Variants in SYNE1 observed in about 807,000 individuals in gnomAD.
The protein encoded by SYNE1 is spectrin repeat containing nuclear envelope protein 1.
A neutral mutation model predicts 1,111.0 loss-of-function variants in SYNE1; 616 were observed. The observed-to-expected ratio is 0.55, with a 90% CI of 0.52 to 0.59. The LOEUF (loss-of-function observed/expected upper bound fraction) is 0.59, where lower values mean the gene tolerates loss of function less well. SYNE1 is among the 20% of genes least tolerant of loss of function. The pLI, the probability that SYNE1 is intolerant of heterozygous loss-of-function variation, is 0.00. For synonymous variants in SYNE1, 3,855 were observed against 3,825.8 expected, an observed-to-expected ratio of 1.01 and a Z score of -0.28; for missense variants, 10,006 against 10,417.0, an observed-to-expected ratio of 0.96 and a Z score of 1.72.
intron 87 of SYNE1, among the ~76,000 whole-genome samples, chr6:152,311,426 T>C (rs193191248): frequency 6.6e-6 from 1 of 152,198 alleles, no homozygotes; most frequent in Non-Finnish European, 1.5e-5. Context: ...AAAACATCCC[T>C]GATCATTCAG....
intron 131 of SYNE1, 51 bp downstream of exon 131, chr6:152,164,112 G>A (rs1347043371): frequency 6.2e-7 from 1 of 1,609,882 alleles, no homozygotes; most frequent in Non-Finnish European, 8.5e-7. Context: ...TCCTGGCCAG[G>A]AGGACAGATA....
intron 56 of SYNE1, chr6:152,380,718 C>T: frequency 2.4e-6 from 1 of 409,738 alleles, no homozygotes; most frequent in Non-Finnish European, 4.5e-6. Context: ...GACTGAATGG[C>T]TGAATACAGT....
intron 87 of SYNE1, 136 bp downstream of exon 87, chr6:152,316,713 A>C: frequency 2.2e-6 from 2 of 915,994 alleles, no homozygotes; most frequent in South Asian, 2.9e-5. Context: ...TGAACAACTT[A>C]GGGGTACCTT....
At chr6:152,525,129 C>T (rs914561210) in intron 5 of SYNE1, among the ~76,000 whole-genome samples, 7 of 152,124 alleles carry the variant, frequency 4.6e-5, no homozygotes, top group Admixed American at 2.0e-4. Flanking sequence ...ATTACTTAAA[C>T]GACTGATGCA....
chr6:152,150,730 C>A (rs563632493), intron 135 of SYNE1, among the ~76,000 whole-genome samples: 1 of 152,312 alleles, frequency 6.6e-6, no homozygotes, highest in African/African-American at 2.4e-5. Flanking sequence ...ATTCGAATTT[C>A]TAGCTAGCCA....
intron 8 of SYNE1, among the ~76,000 whole-genome samples, chr6:152,505,709 T>C (rs1375021473): frequency 6.6e-6 from 1 of 152,240 alleles, no homozygotes; most frequent in Non-Finnish European, 1.5e-5. Flanking sequence ...AGCTGAGCTA[T>C]TGAAGGATGT....
rs1206176672 is a variant in SYNE1 at position 152,364,718 on chromosome 6, AAGGAAGGAAGGG to A, written c.10145+117_10145+128del. ...GAAGGAAGGAAGGAAGGAAGGAAGG[AAGGAAGGAAGGG>A]AGGAAGGAAAGGAAAGGGAAGGGAA... On this transcript the variant is annotated intron_variant, in intron 63 of 145. Transcript: ENST00000367255. 78 of 1,042,162 alleles carry A rather than the reference AAGGAAGGAAGGG, an allele frequency of 7.5e-5. 1 individual carries two copies. Among genetic ancestry groups the A allele is most frequent in the African/African-American group, 7.3e-4 (45 of 61,836 alleles). 64.6% of individuals were successfully genotyped at this position (1,042,162 alleles called of 1,614,324 possible). A position where few individuals can be genotyped will look rare whatever the true frequency, so the allele number is the denominator to read the frequency against.
chr6:152,142,836 C>A (rs1323340597), intron 138 of SYNE1, among the ~76,000 whole-genome samples: 2 of 152,166 alleles, frequency 1.3e-5, no homozygotes, highest in East Asian at 3.9e-4. Flanking sequence ...AGTTTTCTTT[C>A]CTAATTTCAA....
intron 32 of SYNE1, 23 bp downstream of exon 32, chr6:152,441,107 G>T: frequency 6.2e-7 from 1 of 1,612,480 alleles, no homozygotes; most frequent in Non-Finnish European, 8.5e-7. Flanking sequence ...CTGAATATTG[G>T]GTACCAAGGA....
chr6:152,519,823 C>G (rs781708142), intron 6 of SYNE1, among the ~76,000 whole-genome samples: 2 of 152,084 alleles, frequency 1.3e-5, no homozygotes, highest in Non-Finnish European at 2.9e-5. Flanking sequence ...CACCACATTA[C>G]CAAGTATTCA....
intron 93 of SYNE1, among the ~76,000 whole-genome samples, chr6:152,295,315 G>T (rs2094816854): frequency 1.3e-5 from 2 of 152,056 alleles, no homozygotes; most frequent in Non-Finnish European, 2.9e-5. Context: ...TGATGATATT[G>T]GAACATGGAG....
intron 117 of SYNE1, 138 bp downstream of exon 117, chr6:152,224,356 A>G (rs2153477748): frequency 6.7e-6 from 6 of 895,032 alleles, no homozygotes; most frequent in Non-Finnish European, 1.0e-5. Context: ...CACAGGTAAA[A>G]TTAATTTTAA....
intron 59 of SYNE1, among the ~76,000 whole-genome samples, chr6:152,370,496 A>C (rs2097161445): frequency 6.6e-6 from 1 of 152,238 alleles, no homozygotes; most frequent in Non-Finnish European, 1.5e-5. Flanking sequence ...ATACTAAATA[A>C]TGTTATGTGC....
intron 3 of SYNE1, among the ~76,000 whole-genome samples, chr6:152,621,226 A>C (rs2099674622): frequency 6.6e-6 from 1 of 152,198 alleles, no homozygotes; most frequent in Non-Finnish European, 1.5e-5. Context: ...AAGCTGTTAC[A>C]GTTAAAATGG....
chr6:152,330,728 T>A lies in SYNE1; in HGVS notation c.13957A>T (p.Asn4653Tyr). ...TCTTTAGCCAAGGCAACAATTACAT[T>A]AAATTGTCGAGGCAAAGCATTTAGC... is the stretch of plus-strand genomic sequence containing the variant. ...EKLNALPRQF[N>Y]VIVALAKDKF... The change falls in exon 78 of 146, where the codon AAT (asparagine) becomes TAT (tyrosine). Residue 4653 changes from asparagine to tyrosine, a missense_variant. Coordinates refer to ENST00000367255, the MANE Select transcript of SYNE1 (RefSeq NM_182961.4). 1 of 1,614,022 alleles carries A rather than the reference T, an allele frequency of 6.2e-7. No individual in the cohort carries two copies. The highest frequency in any genetic ancestry group is 1.3e-5 in the African/African-American group (1 of 75,034).
At chr6:152,614,167 G>A (rs1482564898) in intron 3 of SYNE1, among the ~76,000 whole-genome samples, 9 of 151,930 alleles carry the variant, frequency 5.9e-5, no homozygotes, top group Non-Finnish European at 5.9e-5. Context: ...GCTTCTGCAC[G>A]GCAAAAGAAA....
At chr6:152,176,651 C>CAAGCAGTAGAAAGCAG in intron 129 of SYNE1, 91 bp from the exon 130 acceptor site, 4 of 1,310,328 alleles carry the variant, frequency 3.1e-6, no homozygotes, top group Non-Finnish European at 4.4e-6. Context: ...TTACTGCTTT[C>CAAGCAGTAGAAAGCAG]TACTGCTTGG....
At chr6:152,238,222 G>A (rs1446455138) in intron 108 of SYNE1, among the ~76,000 whole-genome samples, 2 of 152,176 alleles carry the variant, frequency 1.3e-5, no homozygotes, top group African/African-American at 4.8e-5. Flanking sequence ...GTGTCATCAG[G>A]TAAGTTTCAT....
Position 152,150,547 on chromosome 6 carries a change from G to A in SYNE1, c.24451-879C>T, listed in dbSNP as rs759532540. Among the ~76,000 whole-genome samples the A allele has an allele frequency of 6.2e-4, 95 of 152,238 alleles. 1 individual carries two copies. Among genetic ancestry groups the A allele is most frequent in the Non-Finnish European group, 1.2e-3 (81 of 68,010 alleles). On this transcript the variant is annotated intron_variant, in intron 135 of 145. Coordinates refer to ENST00000367255, the MANE Select transcript of SYNE1 (RefSeq NM_182961.4). ...TTCCATCCTGAGAATCCATGTCTAC[G>A]GGCAAGTTCCTTGTTTTATCATAAC...
Sources: gnomAD v4.1 joint callset for allele counts (sites outside exome capture counted in the v4.1 genomes callset) on GRCh38, gnomAD v4.1.1 for gene constraint, MANE v1.5 for transcripts, NCBI Gene and HGNC (gene_info 2026-07-23, HGNC 2026-07-21) for gene names.